Variants in ATP6V1A observed in about 807,000 individuals in gnomAD.
ATP6V1A encodes the protein ATPase H+ transporting V1 subunit A, also known as V-type proton ATPase catalytic subunit A.
A neutral mutation model predicts 70.1 loss-of-function variants in ATP6V1A; 18 were observed. That is an observed-to-expected ratio of 0.26 (90% CI 0.18 to 0.38). ATP6V1A has a LOEUF of 0.38. ATP6V1A is among the 10% of genes least tolerant of loss of function. ATP6V1A has a pLI of 1.00. For synonymous variants in ATP6V1A, 232 were observed against 253.8 expected, an observed-to-expected ratio of 0.91 and a Z score of 0.82; for missense variants, 424 against 772.4, an observed-to-expected ratio of 0.55 and a Z score of 5.35.
At chr3:113,801,961 A>G (rs1177468118) in intron 12 of ATP6V1A, among the ~76,000 whole-genome samples, 5 of 151,828 alleles carry the variant, frequency 3.3e-5, no homozygotes, top group Admixed American at 3.3e-4. Context: ...CCATAATGCA[A>G]GAATGTAGTT....
In ATP6V1A at chr3:113,809,447, T is replaced by C; in HGVS notation, c.*20T>C. 1 of 1,599,800 alleles carries C rather than the reference T, an allele frequency of 6.3e-7. No homozygotes were observed. The highest frequency in any genetic ancestry group is 8.6e-7 in the Non-Finnish European group (1 of 1,169,198). ...GATTAGAAGCCTTGAAGATTACAAC[T>C]GTGATTTCCTTTTCCTCAGCAAGCT... On this transcript the variant is annotated 3_prime_UTR_variant, in exon 15 of 15. Coordinates refer to ENST00000273398, the MANE Select transcript of ATP6V1A (RefSeq NM_001690.4).
chr3:113,794,298 TAGAG>T (rs1709129479), intron 8 of ATP6V1A, among the ~76,000 whole-genome samples: 1 of 152,204 alleles, frequency 6.6e-6, no homozygotes, highest in Non-Finnish European at 1.5e-5. Flanking sequence ...ATGTGATATA[TAGAG>T]AGAAGCTACA....
rs573521368 is a variant in ATP6V1A, at chr3:113,786,703, C to G, written c.716+320C>G. Among the ~76,000 whole-genome samples the G allele has an allele frequency of 9.3e-5, 14 of 150,356 alleles. 2 individuals carry two copies. The highest frequency in any genetic ancestry group is 3.4e-4 in the African/African-American group (14 of 41,296). On this transcript the variant is annotated intron_variant, in intron 6 of 14. Transcript: ENST00000273398. ...CCCACAGAAAGCATTATTTCTGAAA[C>G]TTTTCTGGAAAAATTAAATTTTCTG...
chr3:113,780,976 T>G, intron 2 of ATP6V1A, 74 bp from the exon 3 acceptor site: 1 of 1,509,614 alleles, frequency 6.6e-7, no homozygotes, highest in Admixed American at 2.3e-5. Flanking sequence ...GTTTATTGGG[T>G]GTTTTAATTA....
chr3:113,760,503 C>T (rs748983528), intron 1 of ATP6V1A, among the ~76,000 whole-genome samples: 2 of 151,862 alleles, frequency 1.3e-5, no homozygotes, highest in South Asian at 2.1e-4. Flanking sequence ...CCGAGGTGGG[C>T]GGATCACAAA....
At chr3:113,784,165 T>C in intron 3 of ATP6V1A, 59 bp from the exon 4 acceptor site, 3 of 1,488,478 alleles carry the variant, frequency 2.0e-6, no homozygotes, top group East Asian at 4.5e-5. Flanking sequence ...ACTGTGGTAT[T>C]TCCTGTTAAT....
intron 1 of ATP6V1A, among the ~76,000 whole-genome samples, chr3:113,768,208 G>A (rs1269257463): frequency 6.6e-6 from 1 of 152,132 alleles, no homozygotes; most frequent in African/African-American, 2.4e-5. Context: ...TGCCATCTGT[G>A]ACTTTGCTGT....
intron 10 of ATP6V1A, 58 bp downstream of exon 10, chr3:113,795,262 G>A: frequency 6.5e-7 from 1 of 1,530,722 alleles, no homozygotes. Flanking sequence ...GTATTAAAGA[G>A]AGAAAAAAAG....
At chr3:113,752,601 T>G (rs1708599853) in intron 1 of ATP6V1A, among the ~76,000 whole-genome samples, 1 of 152,018 alleles carries the variant, frequency 6.6e-6, no homozygotes, top group African/African-American at 2.4e-5. Flanking sequence ...CTCATCCAGG[T>G]AGCTGAGTAA....
chr3:113,804,428 G>C (rs1236161289), intron 13 of ATP6V1A, among the ~76,000 whole-genome samples: 1 of 152,066 alleles, frequency 6.6e-6, no homozygotes, highest in Non-Finnish European at 1.5e-5. Context: ...CTCCTACTCA[G>C]TGCTTTCTTT....
intron 2 of ATP6V1A, among the ~76,000 whole-genome samples, chr3:113,780,208 G>A (rs1260384930): frequency 6.6e-6 from 1 of 152,086 alleles, no homozygotes; most frequent in African/African-American, 2.4e-5. Flanking sequence ...TTTTTACACA[G>A]GTTAATTAAC....
At position 113,784,896 on chromosome 3, in the gene ATP6V1A, T is replaced by G. The variant is rs372041616; in HGVS notation, c.564+63T>G. 4.6e-6 allele frequency: 7 copies of G among 1,513,060 alleles called. No individual in the cohort carries two copies. The African/African-American group carries it at 9.6e-5, about 21-fold the overall frequency. The allele number at this position is 1,513,060 out of a possible 1,614,324, so 93.7% of individuals were successfully genotyped here. A position where few individuals can be genotyped will look rare whatever the true frequency, so the allele number is the denominator to read the frequency against. Reference sequence around the variant, plus strand: ...TATTTCTATATGATAGCTGCCCAGTTTTAGTGCCCTAAGTAATTAAAGAAT... The same window carrying G: ...TATTTCTATATGATAGCTGCCCAGTGTTAGTGCCCTAAGTAATTAAAGAAT... On this transcript the variant is annotated intron_variant, in intron 5 of 14. Transcript: ENST00000273398.
intron 1 of ATP6V1A, among the ~76,000 whole-genome samples, chr3:113,770,047 T>G (rs2108018753): frequency 6.6e-6 from 1 of 151,770 alleles, no homozygotes. Context: ...ATTTATTTAT[T>G]TATTTATTTA....
At chr3:113,784,554 A>C (rs777178136) in intron 4 of ATP6V1A, 116 bp downstream of exon 4, 381 of 1,389,040 alleles carry the variant, frequency 2.7e-4, no homozygotes, top group Non-Finnish European at 3.3e-4. Context: ...GGATAGTTTA[A>C]AGTTTTTCTT....
At chr3:113,798,561 A>G in intron 12 of ATP6V1A, 115 bp downstream of exon 12, 3 of 870,746 alleles carry the variant, frequency 3.4e-6, no homozygotes, top group Non-Finnish European at 4.8e-6. Context: ...TATTTATTAA[A>G]TATTTTTAAT....
chr3:113,751,782 C>T (rs1458881455), intron 1 of ATP6V1A, among the ~76,000 whole-genome samples: 1 of 151,364 alleles, frequency 6.6e-6, no homozygotes, highest in Admixed American at 6.6e-5. Flanking sequence ...TGTGTATCTT[C>T]GTAGTAACAT....
chr3:113,747,733 C>T (rs112837184), intron 1 of ATP6V1A, among the ~76,000 whole-genome samples: 21 of 152,130 alleles, frequency 1.4e-4, no homozygotes, highest in Non-Finnish European at 3.1e-4. Context: ...TTTACTTTTT[C>T]TTCTCTGCAG....
intron 3 of ATP6V1A, among the ~76,000 whole-genome samples, chr3:113,782,769 C>A (rs148586762): frequency 6.6e-6 from 1 of 151,488 alleles, no homozygotes; most frequent in Admixed American, 6.6e-5. Flanking sequence ...ATTACAGGCA[C>A]GTGCCAGCAT....
chr3:113,761,616 A>G (rs1009066539), intron 1 of ATP6V1A, among the ~76,000 whole-genome samples: 1 of 151,098 alleles, frequency 6.6e-6, no homozygotes, highest in Non-Finnish European at 1.5e-5. Flanking sequence ...CATGCCTGTA[A>G]TCGCAGCTAC....
Sources: allele counts gnomAD v4.1 joint callset (sites outside exome capture counted in the v4.1 genomes callset), GRCh38; gene constraint gnomAD v4.1.1; transcripts MANE v1.5; gene names NCBI Gene and HGNC (gene_info 2026-07-23, HGNC 2026-07-21).